The following SECISBP2L variants were observed in gnomAD, a reference collection of about 807,000 sequenced individuals.
The protein encoded by SECISBP2L is selenocysteine insertion sequence-binding protein 2-like.
Under a neutral mutation model 114.7 loss-of-function variants are expected in SECISBP2L, and 43 were observed. The observed-to-expected ratio is 0.38, with a 90% CI of 0.29 to 0.48. The LOEUF is 0.48. Ranked by LOEUF, SECISBP2L falls within the 20% of genes least tolerant of loss-of-function variation. SECISBP2L has a pLI of 0.98. For synonymous variants in SECISBP2L, 451 were observed against 439.7 expected, an observed-to-expected ratio of 1.03 and a Z score of -0.32; for missense variants, 1,136 against 1,301.1, an observed-to-expected ratio of 0.87 and a Z score of 1.95.
At chr15:49,006,463 T>C (rs767358746) in intron 14 of SECISBP2L, among the ~76,000 whole-genome samples, 2 of 152,196 alleles carry the variant, frequency 1.3e-5, no homozygotes, top group Non-Finnish European at 2.9e-5. Flanking sequence ...TTATTTTTTC[T>C]CTAACCTTGT....
intron 1 of SECISBP2L, 41 bp downstream of exon 1, chr15:49,046,235 C>G (rs1357309701): frequency 8.3e-6 from 13 of 1,570,652 alleles, no homozygotes; most frequent in Non-Finnish European, 1.0e-5. Flanking sequence ...AAGCGGCGAC[C>G]CCAACCCCCG....
intron 7 of SECISBP2L, 121 bp from the exon 8 acceptor site, chr15:49,019,673 G>C: frequency 1.4e-6 from 1 of 740,444 alleles, no homozygotes; most frequent in East Asian, 3.4e-5. Context: ...TTTTCACCAA[G>C]TGCATCACTT....
intron 1 of SECISBP2L, among the ~76,000 whole-genome samples, chr15:49,041,382 A>G (rs1218708862): frequency 1.3e-5 from 2 of 152,238 alleles, no homozygotes; most frequent in African/African-American, 4.8e-5. Flanking sequence ...TAATCTAGAA[A>G]GCTCAAGACT....
At chr15:48,994,723 TTTTACA>T (rs763213082) in intron 17 of SECISBP2L, among the ~76,000 whole-genome samples, 21 of 152,140 alleles carry the variant, frequency 1.4e-4, no homozygotes, top group Non-Finnish European at 2.1e-4. Context: ...CCACAGTACT[TTTTACA>T]TATACAGTCA....
Position 49,011,806 on chromosome 15 carries a change from A to G in SECISBP2L, c.1789T>C (p.Leu597=), listed in dbSNP as rs1247918255. The G allele has an allele frequency of 6.2e-7, 1 of 1,614,132 alleles. No homozygotes were observed. The highest frequency in any genetic ancestry group is 2.2e-5 in the East Asian group (1 of 44,862). ...ATTTCTGTTGGTTCCTCGGATCCCAAAAGATTGTGGTCCACAGTTAAGCGC... is the reference window on the plus strand; with the variant it reads ...ATTTCTGTTGGTTCCTCGGATCCCAGAAGATTGTGGTCCACAGTTAAGCGC... The part of the protein sequence containing the change: ...KGRLTVDHNL[L]GSEEPTEMHL... Residue 597 remains leucine, a synonymous_variant, in exon 13 of 18, where the codon TTG becomes CTG. Coordinates refer to ENST00000559471, the MANE Select transcript of SECISBP2L (RefSeq NM_001193489.2).
At chr15:48,992,993 A>AC in intron 17 of SECISBP2L, 67 bp from the exon 18 acceptor site, 3 of 1,331,356 alleles carry the variant, frequency 2.3e-6, no homozygotes, top group Admixed American at 2.2e-5. Flanking sequence ...CTCTTTAAAA[A>AC]CCCCCAAAAA....
chr15:49,014,359 A>T (rs2141070732), intron 11 of SECISBP2L, among the ~76,000 whole-genome samples: 1 of 151,926 alleles, frequency 6.6e-6, no homozygotes, highest in South Asian at 2.1e-4. Context: ...CTTTTTCCTA[A>T]TTTTTCTTTC....
chr15:49,026,809 G>C (rs1392564198), intron 7 of SECISBP2L, among the ~76,000 whole-genome samples: 1 of 152,174 alleles, frequency 6.6e-6, no homozygotes, highest in Non-Finnish European at 1.5e-5. Context: ...ACAACTCCCT[G>C]ATTTTACAGC....
chr15:49,016,336 T>C (rs945974370), intron 11 of SECISBP2L: 4 of 397,756 alleles, frequency 1.0e-5, no homozygotes, highest in East Asian at 4.0e-5. Context: ...GCAGGACAGA[T>C]AGGATGTGTT....
chr15:49,028,045 GT>G (rs1340785373), intron 6 of SECISBP2L, 98 bp downstream of exon 6: 56 of 1,100,014 alleles, frequency 5.1e-5, no homozygotes, highest in Admixed American at 8.5e-5. Flanking sequence ...AGACTTCTAA[GT>G]TTTTTTTGCA....
chr15:49,044,786 G>A lies in SECISBP2L; in HGVS notation c.24+1490C>T, dbSNP rs1234810341. ...TGCTAGGATAATCACAAACAGCTAT[G>A]CTAAAAATTACCATCTAAATAGTTA... is the stretch of plus-strand genomic sequence containing the variant. On this transcript the variant is annotated intron_variant, in intron 1 of 17. Coordinates refer to ENST00000559471, the MANE Select transcript of SECISBP2L (RefSeq NM_001193489.2). Among the ~76,000 whole-genome samples, 5 of 152,116 alleles carry A rather than the reference G, an allele frequency of 3.3e-5. No individual in the cohort carries two copies. In the South Asian group the frequency reaches 6.2e-4, roughly 19 times the overall value.
At chr15:49,044,867 G>A (rs1029294662) in intron 1 of SECISBP2L, among the ~76,000 whole-genome samples, 1 of 152,140 alleles carries the variant, frequency 6.6e-6, no homozygotes, top group Non-Finnish European at 1.5e-5. Context: ...TAGCATTACT[G>A]GTTTTAGTCC....
chr15:49,042,346 T>TG (rs2054825362), intron 1 of SECISBP2L: 1 of 152,458 alleles, frequency 6.6e-6, no homozygotes, highest in Non-Finnish European at 1.5e-5. Context: ...GTTTTAGAGA[T>TG]GGGGTCCCAC....
chr15:49,014,933 A>T (rs1902508020), intron 11 of SECISBP2L, among the ~76,000 whole-genome samples: 1 of 151,282 alleles, frequency 6.6e-6, no homozygotes, highest in African/African-American at 2.4e-5. Context: ...ATATATATTA[A>T]CAGTTGCTAA....
Position 49,011,930 on chromosome 15 carries a change from TACATTATA to T in SECISBP2L, c.1732-75_1732-68del, listed in dbSNP as rs1902445707. On this transcript the variant is annotated intron_variant, in intron 12 of 17. Coordinates refer to ENST00000559471, the MANE Select transcript of SECISBP2L (RefSeq NM_001193489.2). ...CAACTGTGTACAAATGATGACAATA[TACATTATA>T]ACACAGGTATGGTAGTTCACTTAAA... is the stretch of plus-strand genomic sequence containing the variant. The T allele has an allele frequency of 6.4e-6, 10 of 1,556,044 alleles. No homozygotes were observed. The South Asian group carries it at 1.1e-4, about 18-fold the overall frequency.
chr15:49,004,785 G>A (rs1902283097), intron 14 of SECISBP2L, among the ~76,000 whole-genome samples: 1 of 152,150 alleles, frequency 6.6e-6, no homozygotes, highest in South Asian at 2.1e-4. Flanking sequence ...GATTGCACTT[G>A]TTTTGAGAGA....
chr15:49,032,952 A>G lies in SECISBP2L; in HGVS notation c.664+13T>C. ...AAAAATCAGTGACGCACATGTAAGA[A>G]CCCTTGCCTTACCAGTTTGCTGTGA... is the stretch of plus-strand genomic sequence containing the variant. On this transcript the variant is annotated intron_variant, in intron 4 of 17. Transcript: ENST00000559471. The G allele has an allele frequency of 6.2e-7, 1 of 1,613,038 alleles. No homozygotes were observed. Among genetic ancestry groups the G allele is most frequent in the Non-Finnish European group, 8.5e-7 (1 of 1,179,648 alleles).
intron 1 of SECISBP2L, among the ~76,000 whole-genome samples, chr15:49,041,165 G>A (rs1219824274): frequency 1.3e-5 from 2 of 152,090 alleles, no homozygotes; most frequent in South Asian, 2.1e-4. Flanking sequence ...AATCATTCTT[G>A]TATTATTTGC....
intron 14 of SECISBP2L, among the ~76,000 whole-genome samples, chr15:49,004,796 CTGTT>C (rs372319383): frequency 4.6e-5 from 7 of 152,288 alleles, no homozygotes; most frequent in Admixed American, 1.3e-4. Flanking sequence ...TTTTGAGAGA[CTGTT>C]TGTTACAATT....
Sources: allele counts gnomAD v4.1 joint callset (sites outside exome capture counted in the v4.1 genomes callset), GRCh38; gene constraint gnomAD v4.1.1; transcripts MANE v1.5; gene names NCBI Gene and HGNC (gene_info 2026-07-23, HGNC 2026-07-21).